RBFOX1: variants seen among roughly 807,000 people sequenced by gnomAD.
The protein encoded by RBFOX1 is RNA binding protein fox-1 homolog 1.
Under a neutral mutation model 57.7 loss-of-function variants are expected in RBFOX1, and 8 were observed. The observed-to-expected ratio is 0.14, with a 90% CI of 0.08 to 0.25. RBFOX1 has a LOEUF of 0.25. Ranked by LOEUF, RBFOX1 falls within the 10% of genes least tolerant of loss-of-function variation. The probability of loss-of-function intolerance (pLI) is 1.00; values close to 1 mark genes in which losing one functional copy is unlikely to be tolerated. For missense variants in RBFOX1, 611 were observed against 548.5 expected (o/e 1.11, Z -1.14); for synonymous variants, 326 against 222.4 (o/e 1.47, Z -4.15).
At chr16:5,816,092 G>A (rs2055624067) in intron 3 of RBFOX1, among the ~76,000 whole-genome samples, 1 of 152,204 alleles carries the variant, frequency 6.6e-6, no homozygotes, top group Non-Finnish European at 1.5e-5. Context: ...CCATGGGGGT[G>A]CTCTGGGATG....
At chr16:5,609,111 G>A (rs1399291607) in intron 3 of RBFOX1, among the ~76,000 whole-genome samples, 1 of 152,138 alleles carries the variant, frequency 6.6e-6, no homozygotes, top group Non-Finnish European at 1.5e-5. Flanking sequence ...TAATGATTTT[G>A]CTAAGAAATA....
intron 4 of RBFOX1, among the ~76,000 whole-genome samples, chr16:7,092,618 A>G (rs1008618734): frequency 5.3e-5 from 8 of 152,162 alleles, no homozygotes; most frequent in Admixed American, 1.3e-4. Flanking sequence ...TTCACTAATC[A>G]TATATGTATT....
intron 1 of RBFOX1, among the ~76,000 whole-genome samples, chr16:6,072,508 A>AT (rs569198006): frequency 6.6e-6 from 1 of 151,438 alleles, no homozygotes; most frequent in Non-Finnish European, 1.5e-5. Flanking sequence ...ACATTTTTAA[A>AT]TTTTTTTTTG....
intron 7 of RBFOX1, among the ~76,000 whole-genome samples, chr16:7,590,412 T>A (rs865993836): frequency 6.6e-6 from 1 of 152,114 alleles, no homozygotes; most frequent in South Asian, 2.1e-4. Flanking sequence ...TTTAAAGAGA[T>A]GTCAGAGAGA....
intron 2 of RBFOX1, among the ~76,000 whole-genome samples, chr16:5,500,994 A>T (rs993601462): frequency 6.6e-6 from 1 of 152,146 alleles, no homozygotes; most frequent in East Asian, 1.9e-4. Context: ...TTTTACAGCA[A>T]TGACTTTCAA....
At chr16:6,149,755 T>G (rs1305416184) in intron 1 of RBFOX1, among the ~76,000 whole-genome samples, 1 of 152,236 alleles carries the variant, frequency 6.6e-6, no homozygotes, top group African/African-American at 2.4e-5. Context: ...TGGAGAAAGA[T>G]AGTCGATTCT....
intron 2 of RBFOX1, among the ~76,000 whole-genome samples, chr16:5,491,261 T>C (rs144680784): frequency 1.2e-3 from 190 of 152,252 alleles, no homozygotes; most frequent in Non-Finnish European, 2.2e-3. Context: ...CTTGAAGAAC[T>C]GGAATATTAC....
At chr16:7,061,224 G>A (rs1380832354) in intron 4 of RBFOX1, among the ~76,000 whole-genome samples, 1 of 152,098 alleles carries the variant, frequency 6.6e-6, no homozygotes, top group Non-Finnish European at 1.5e-5. Flanking sequence ...AGCTTCTCTA[G>A]TAAAATAAGA....
At chr16:7,176,270 T>C (rs909057078) in intron 4 of RBFOX1, among the ~76,000 whole-genome samples, 1 of 150,958 alleles carries the variant, frequency 6.6e-6, no homozygotes, top group African/African-American at 2.5e-5. Context: ...AGATAATGCA[T>C]GTAAGTGCTT....
rs150525399 is a variant in RBFOX1 at position 5,772,812 on chromosome 16, T to A, written c.319-94491T>A. 2.7e-3 allele frequency among the ~76,000 whole-genome samples: 405 copies of A among 152,186 alleles called. 1 individual carries two copies. Among genetic ancestry groups the A allele is most frequent in the African/African-American group, 9.1e-3 (377 of 41,528 alleles). On this transcript the variant is annotated intron_variant, in intron 3 of 19. Transcript: ENST00000641259. ...CAAATAATAGCCTGGTGGAAAGGAA[T>A]GAATAGTGGGTGAAAAGCAGGGCAA...
intron 3 of RBFOX1, among the ~76,000 whole-genome samples, chr16:6,920,083 C>T (rs535482996): frequency 6.6e-6 from 1 of 152,280 alleles, no homozygotes; most frequent in African/African-American, 2.4e-5. Flanking sequence ...TGGCATCCAA[C>T]TCCATCCAAG....
chr16:7,557,712 A>G (rs2089107518), intron 5 of RBFOX1, among the ~76,000 whole-genome samples: 1 of 151,256 alleles, frequency 6.6e-6, no homozygotes, highest in African/African-American at 2.4e-5. Context: ...GAATTACCTG[A>G]TGCGCTTGTT....
At chr16:6,226,946 T>TAAAAAAAAAAA (rs573474385) in intron 1 of RBFOX1, among the ~76,000 whole-genome samples, 1 of 101,042 alleles carries the variant, frequency 9.9e-6, no homozygotes, top group African/African-American at 3.6e-5. Flanking sequence ...CCATCTCTAC[T>TAAAAAAAAAAA]AAAAAAAAAA....
intron 3 of RBFOX1, among the ~76,000 whole-genome samples, chr16:5,783,163 A>AG (rs751004219): frequency 0.024 from 3,413 of 139,430 alleles, 148 homozygotes; most frequent in African/African-American, 0.078. Flanking sequence ...ATTTACATGC[A>AG]AAAACACACA....
chr16:7,494,515 C>T (rs545614184), intron 4 of RBFOX1, among the ~76,000 whole-genome samples: 9 of 152,234 alleles, frequency 5.9e-5, no homozygotes, highest in Non-Finnish European at 1.2e-4. Flanking sequence ...CAAGTCACTT[C>T]GCTTAAATAA....
chr16:6,701,847 G>C (rs1034411607), intron 3 of RBFOX1, among the ~76,000 whole-genome samples: 1 of 152,082 alleles, frequency 6.6e-6, no homozygotes, highest in Non-Finnish European at 1.5e-5. Flanking sequence ...AACTAACATA[G>C]GAACAGAAAA....
chr16:5,658,381 G>A (rs1207093472), intron 3 of RBFOX1, among the ~76,000 whole-genome samples: 1 of 152,164 alleles, frequency 6.6e-6, no homozygotes, highest in Non-Finnish European at 1.5e-5. Flanking sequence ...TCCTGAGCCT[G>A]AGCCTTGAGT....
At chr16:7,391,372 A>T (rs1010853385) in intron 4 of RBFOX1, among the ~76,000 whole-genome samples, 1 of 152,178 alleles carries the variant, frequency 6.6e-6, no homozygotes, top group African/African-American at 2.4e-5. Flanking sequence ...CTCCAAGGAT[A>T]CCAATTATAG....
chr16:7,483,321 T>G (rs1240953202), intron 4 of RBFOX1, among the ~76,000 whole-genome samples: 2 of 152,176 alleles, frequency 1.3e-5, no homozygotes, highest in Non-Finnish European at 2.9e-5. Context: ...CTGGCAGACC[T>G]GTTGTCCTAT....
Sources: gnomAD v4.1 joint callset for allele counts (sites outside exome capture counted in the v4.1 genomes callset) on GRCh38, gnomAD v4.1.1 for gene constraint, MANE v1.5 for transcripts, NCBI Gene and HGNC (gene_info 2026-07-23, HGNC 2026-07-21) for gene names.